Variants in BBS4 observed in about 807,000 individuals in gnomAD.
BBS4 encodes Bardet-Biedl syndrome 4.
BBS4 carries 58 observed loss-of-function variants against 71.4 expected under a neutral mutation model. That is an observed-to-expected ratio of 0.81 (90% CI 0.66 to 1.01). BBS4 has a LOEUF of 1.01. Ranked by LOEUF, BBS4 falls within the 50% of genes least tolerant of loss-of-function variation. The pLI, the probability that BBS4 is intolerant of heterozygous loss-of-function variation, is 0.00. For missense variants in BBS4, 660 were observed against 607.9 expected (o/e 1.09, Z -0.90); for synonymous variants, 228 against 216.8 (o/e 1.05, Z -0.46).
intron 1 of BBS4, among the ~76,000 whole-genome samples, chr15:72,687,118 CAG>C (rs2064864316): frequency 4.5e-5 from 1 of 22,198 alleles, no homozygotes; most frequent in Non-Finnish European, 1.2e-4. Context: ...ACTCTGAAGA[CAG>C]AAACTTTTTT....
chr15:72,709,912 C>T (rs1447042982), intron 3 of BBS4, 133 bp downstream of exon 3: 2 of 765,912 alleles, frequency 2.6e-6, no homozygotes, highest in South Asian at 1.5e-5. Context: ...ATACTTCATA[C>T]ACTGGTTATC....
intron 6 of BBS4, among the ~76,000 whole-genome samples, chr15:72,721,675 T>G (rs1017695614): frequency 8.5e-5 from 13 of 152,154 alleles, no homozygotes; most frequent in Non-Finnish European, 1.9e-4. Flanking sequence ...TTTTGTTGTT[T>G]TTACTATTTT....
chr15:72,737,464 T>C lies in BBS4; in HGVS notation c.1451-14T>C, dbSNP rs35470493. 2 of 1,600,940 alleles carry C rather than the reference T, an allele frequency of 1.2e-6. No individual in the cohort carries two copies. The highest frequency in any genetic ancestry group is 4.5e-5 in the East Asian group (2 of 44,806). On this transcript the variant is annotated splice_polypyrimidine_tract_variant and intron_variant, in intron 15 of 15. Coordinates refer to ENST00000268057, the MANE Select transcript of BBS4 (RefSeq NM_033028.5). ...TGTGGAACATGAGGATTCAAGTTTT[T>C]ATTTTGTTACTAGGTGCTGGAGGAA...
intron 2 of BBS4, among the ~76,000 whole-genome samples, chr15:72,709,253 T>C (rs1181004052): frequency 6.6e-6 from 1 of 152,248 alleles, no homozygotes; most frequent in Non-Finnish European, 1.5e-5. Context: ...CGTACTCTTA[T>C]TTCTTAGCCG....
At chr15:72,723,000 C>T (rs2065604761) in intron 7 of BBS4, among the ~76,000 whole-genome samples, 153 bp downstream of exon 7, 1 of 152,090 alleles carries the variant, frequency 6.6e-6, no homozygotes, top group Admixed American at 6.5e-5. Flanking sequence ...TTTTAATTCT[C>T]ACTTGTCATT....
At chr15:72,697,469 C>A (rs1248786909) in intron 2 of BBS4, among the ~76,000 whole-genome samples, 1 of 152,020 alleles carries the variant, frequency 6.6e-6, no homozygotes, top group African/African-American at 2.4e-5. Flanking sequence ...TAACAACATC[C>A]CTGGCTTCTA....
intron 1 of BBS4, among the ~76,000 whole-genome samples, chr15:72,688,260 G>T (rs2064910726): frequency 6.6e-6 from 1 of 151,832 alleles, no homozygotes; most frequent in Admixed American, 6.6e-5. Context: ...CTTTTGTTTC[G>T]ATATGACTTA....
intron 1 of BBS4, among the ~76,000 whole-genome samples, chr15:72,689,475 G>A (rs2064941635): frequency 6.6e-6 from 1 of 152,200 alleles, no homozygotes; most frequent in Non-Finnish European, 1.5e-5. Context: ...GCTCATGCCT[G>A]TAATGCCAGG....
chr15:72,725,065 G>GAC (rs1381765897), intron 8 of BBS4, among the ~76,000 whole-genome samples: 151 of 151,246 alleles, frequency 1.0e-3, no homozygotes, highest in African/African-American at 3.5e-3. Flanking sequence ...TATAGAGAGA[G>GAC]AGAGAGAGAG....
intron 2 of BBS4, among the ~76,000 whole-genome samples, chr15:72,698,644 G>T (rs1010650053): frequency 6.6e-6 from 1 of 152,006 alleles, no homozygotes; most frequent in African/African-American, 2.4e-5. Context: ...TGGGCATTTG[G>T]GTTGTTTTCC....
chr15:72,735,629 ACC>A, intron 13 of BBS4, 194 bp from the exon 14 acceptor site: 1 of 722,224 alleles, frequency 1.4e-6, no homozygotes, highest in East Asian at 2.5e-5. Context: ...TGGTCCCAAT[ACC>A]AGCTTTGCTT....
chr15:72,731,548 CTCAT>C lies in BBS4; in HGVS notation c.865-6_865-3del. 6.2e-7 allele frequency: 1 copy of C among 1,614,204 alleles called. No homozygotes were observed. The highest frequency in any genetic ancestry group is 8.5e-7 in the Non-Finnish European group (1 of 1,180,038). ...CCTTCTCATTGAGTGCCCCTTCTCT[CTCAT>C]AGGCCATCAGCTGCCTGAAACGAGC... On this transcript the variant is annotated splice_region_variant and splice_polypyrimidine_tract_variant and intron_variant, in intron 11 of 15. Coordinates refer to ENST00000268057, the MANE Select transcript of BBS4 (RefSeq NM_033028.5).
intron 6 of BBS4, among the ~76,000 whole-genome samples, chr15:72,722,408 C>G (rs1016388261): frequency 5.9e-5 from 9 of 152,244 alleles, no homozygotes; most frequent in African/African-American, 1.9e-4. Context: ...GCCTTAAGGG[C>G]GGAAATGTGT....
intron 4 of BBS4, among the ~76,000 whole-genome samples, chr15:72,714,262 G>A (rs1022866999): frequency 9.3e-6 from 1 of 107,344 alleles, no homozygotes; most frequent in Non-Finnish European, 1.7e-5. Flanking sequence ...GTCTTGCTCT[G>A]TTGCCCAGGC....
chr15:72,707,744 A>G (rs2065290712), intron 2 of BBS4, among the ~76,000 whole-genome samples: 1 of 152,202 alleles, frequency 6.6e-6, no homozygotes, highest in South Asian at 2.1e-4. Context: ...TACCACAGAA[A>G]AGTAATTCTT....
At chr15:72,706,410 A>G (rs2065265425) in intron 2 of BBS4, among the ~76,000 whole-genome samples, 1 of 152,164 alleles carries the variant, frequency 6.6e-6, no homozygotes, top group Non-Finnish European at 1.5e-5. Context: ...TGCTAGGATT[A>G]CAGGCGTGAG....
chr15:72,686,333 C>A, intron 1 of BBS4, 82 bp downstream of exon 1: 1 of 1,546,236 alleles, frequency 6.5e-7, no homozygotes, highest in South Asian at 1.2e-5. Flanking sequence ...GCAGCGGTTC[C>A]TGGAGAGAGG....
intron 2 of BBS4, among the ~76,000 whole-genome samples, chr15:72,708,553 G>C (rs935490426): frequency 1.3e-5 from 2 of 152,164 alleles, no homozygotes; most frequent in African/African-American, 4.8e-5. Flanking sequence ...TGAAATCAGT[G>C]CACCTTGAAC....
At chr15:72,691,193 G>C (rs2064977365) in intron 1 of BBS4, among the ~76,000 whole-genome samples, 1 of 152,070 alleles carries the variant, frequency 6.6e-6, no homozygotes, top group African/African-American at 2.4e-5. Context: ...TGTTGCCCAG[G>C]CTGGTCTTAA....
Sources: allele counts gnomAD v4.1 joint callset (sites outside exome capture counted in the v4.1 genomes callset), GRCh38; gene constraint gnomAD v4.1.1; transcripts MANE v1.5; gene names NCBI Gene and HGNC (gene_info 2026-07-23, HGNC 2026-07-21).